SSH2: variants seen among roughly 807,000 people sequenced by gnomAD.
SSH2 encodes the protein slingshot protein phosphatase 2, also known as protein phosphatase Slingshot homolog 2.
SSH2 carries 37 observed loss-of-function variants against 135.2 expected under a neutral mutation model. That is an observed-to-expected ratio of 0.27 (90% confidence interval 0.21 to 0.36). The LOEUF (loss-of-function observed/expected upper bound fraction) is 0.36. Among genes scored for constraint, SSH2 ranks in the 10% least tolerant of loss-of-function variants. SSH2 has a pLI of 1.00. For synonymous variants in SSH2, 628 were observed against 646.2 expected, an observed-to-expected ratio of 0.97 and a Z score of 0.43; for missense variants, 1,408 against 1,765.3, an observed-to-expected ratio of 0.80 and a Z score of 3.63.
chr17:29,887,563 C>A (rs1409817976), intron 1 of SSH2, among the ~76,000 whole-genome samples: 1 of 152,198 alleles, frequency 6.6e-6, no homozygotes, highest in African/African-American at 2.4e-5. Flanking sequence ...ATTTCCTCAT[C>A]TGTAAAATGA....
chr17:29,713,512 T>C (rs1028865455), intron 3 of SSH2, among the ~76,000 whole-genome samples: 1 of 152,126 alleles, frequency 6.6e-6, no homozygotes, highest in African/African-American at 2.4e-5. Context: ...TACCAAATCA[T>C]GAAAGATCAG....
intron 6 of SSH2, among the ~76,000 whole-genome samples, chr17:29,679,463 A>G (rs1202699784): frequency 6.6e-6 from 1 of 151,416 alleles, no homozygotes; most frequent in East Asian, 1.9e-4. Context: ...GCTGGAGTGC[A>G]ATGGTGTGAT....
intron 6 of SSH2, among the ~76,000 whole-genome samples, chr17:29,682,610 A>G (rs1404752440): frequency 6.6e-6 from 1 of 152,114 alleles, no homozygotes; most frequent in East Asian, 1.9e-4. Flanking sequence ...TGTGTTCTTC[A>G]CAAAAAGGAA....
At chr17:29,846,143 A>G (rs939444452) in intron 2 of SSH2, among the ~76,000 whole-genome samples, 2 of 151,772 alleles carry the variant, frequency 1.3e-5, no homozygotes, top group Non-Finnish European at 2.9e-5. Context: ...GGTTCAAGCA[A>G]TTCTCCTGCC....
intron 6 of SSH2, among the ~76,000 whole-genome samples, chr17:29,681,457 TTAAGTA>T (rs1291002585): frequency 2.0e-5 from 3 of 151,702 alleles, no homozygotes; most frequent in Non-Finnish European, 2.9e-5. Flanking sequence ...TTTTCTCCAT[TTAAGTA>T]TAACTACTTA....
At chr17:29,848,800 G>T in intron 2 of SSH2, 49 bp downstream of exon 2, 2 of 1,240,344 alleles carry the variant, frequency 1.6e-6, no homozygotes, top group Non-Finnish European at 2.2e-6. Flanking sequence ...TACCCAATAA[G>T]ATTTTACTTG....
chr17:29,837,895 G>A (rs2042970214), intron 2 of SSH2, among the ~76,000 whole-genome samples: 1 of 152,246 alleles, frequency 6.6e-6, no homozygotes, highest in Admixed American at 6.5e-5. Flanking sequence ...CAAGCTGGCA[G>A]GGTGGGAGCT....
chr17:29,644,632 C>A (rs1015182277), intron 14 of SSH2, among the ~76,000 whole-genome samples: 10 of 152,176 alleles, frequency 6.6e-5, no homozygotes, highest in Non-Finnish European at 1.5e-4. Context: ...CATGGTGAAA[C>A]CCCATCTCTA....
chr17:29,649,016 C>T (rs1446691233), intron 13 of SSH2, among the ~76,000 whole-genome samples: 1 of 152,050 alleles, frequency 6.6e-6, no homozygotes, highest in African/African-American at 2.4e-5. Context: ...TGGTGTGTGC[C>T]TGTAATCCCA....
intron 4 of SSH2, among the ~76,000 whole-genome samples, chr17:29,701,304 G>A (rs192480277): frequency 1.3e-5 from 2 of 151,406 alleles, no homozygotes; most frequent in South Asian, 4.2e-4. Flanking sequence ...ATGAGGTTTC[G>A]CCATGTTAGC....
At chr17:29,754,088 C>T (rs192488301) in intron 3 of SSH2, among the ~76,000 whole-genome samples, 3 of 152,280 alleles carry the variant, frequency 2.0e-5, no homozygotes, top group Admixed American at 2.0e-4. Flanking sequence ...GTTTGTTATG[C>T]TATAAAATGT....
rs181847489 is a variant in SSH2 at position 29,756,739 on chromosome 17, C to T, written c.188+37155G>A. ...GTGAGATCTTCGCTCATGGCAACCT[C>T]TGCCTCCCGGGTTCAAGCAATTCTC... On this transcript the variant is annotated intron_variant, in intron 3 of 15. Transcript: ENST00000540801. Among the ~76,000 whole-genome samples the T allele has an allele frequency of 3.8e-3, 575 of 152,224 alleles. 4 individuals are homozygous for T. The highest frequency in any genetic ancestry group is 0.013 in the African/African-American group (551 of 41,520).
intron 3 of SSH2, among the ~76,000 whole-genome samples, chr17:29,706,752 A>G (rs2039216098): frequency 6.6e-6 from 1 of 152,282 alleles, no homozygotes. Flanking sequence ...GCAGTTCGCT[A>G]CATCTACAAA....
chr17:29,744,792 GTAA>G (rs2040697103), intron 3 of SSH2, among the ~76,000 whole-genome samples: 1 of 151,698 alleles, frequency 6.6e-6, no homozygotes, highest in Admixed American at 6.6e-5. Flanking sequence ...TGATGCTGAT[GTAA>G]TAATAATATC....
chr17:29,883,527 T>G (rs2066177951), intron 1 of SSH2, among the ~76,000 whole-genome samples: 1 of 152,204 alleles, frequency 6.6e-6, no homozygotes, highest in Non-Finnish European at 1.5e-5. Context: ...AAATAGAAAT[T>G]TTTATCTATG....
At chr17:29,668,773 C>T (rs2037375279) in intron 9 of SSH2, among the ~76,000 whole-genome samples, 1 of 151,984 alleles carries the variant, frequency 6.6e-6, no homozygotes, top group Non-Finnish European at 1.5e-5. Flanking sequence ...ATTTTAGTAC[C>T]TGTGTTCATG....
chr17:29,770,092 GTT>G (rs563803251), intron 3 of SSH2, among the ~76,000 whole-genome samples: 9 of 72,928 alleles, frequency 1.2e-4, no homozygotes, highest in African/African-American at 2.8e-4. Flanking sequence ...GCTATATTTA[GTT>G]TTTTTTTTTT....
chr17:29,930,084 A>T lies in SSH2; in HGVS notation c.-84T>A. ...AGGGTGACGGAGCCGGGATGGGGAA[A>T]GGGGTGCGGGGTGGGGGTGAAGGGA... On this transcript the variant is annotated 5_prime_UTR_variant, in exon 1 of 16. Transcript: ENST00000540801. 2.4e-5 allele frequency: 3 copies of T among 122,624 alleles called. No homozygotes were observed. The highest frequency in any genetic ancestry group is 8.5e-5 in the African/African-American group (1 of 11,818). The allele number at this position is 122,624 out of a possible 1,614,324, so 7.6% of individuals were successfully genotyped here. A position where few individuals can be genotyped will look rare whatever the true frequency, so the allele number is the denominator to read the frequency against.
chr17:29,906,048 C>A (rs1050085888), intron 1 of SSH2, among the ~76,000 whole-genome samples: 1 of 152,170 alleles, frequency 6.6e-6, no homozygotes, highest in Non-Finnish European at 1.5e-5. Flanking sequence ...CTACCCACTG[C>A]GGGTCTCCTC....
Sources: gnomAD v4.1 joint callset for allele counts (sites outside exome capture counted in the v4.1 genomes callset) on GRCh38, gnomAD v4.1.1 for gene constraint, MANE v1.5 for transcripts, NCBI Gene and HGNC (gene_info 2026-07-23, HGNC 2026-07-21) for gene names.